Variants in RTCA observed in about 807,000 individuals in gnomAD.
The protein encoded by RTCA is RNA 3'-terminal phosphate cyclase, also known as RNA terminal phosphate cyclase domain 1.
In RTCA, 37 loss-of-function variants were observed where a neutral mutation model predicts 46.1. That is an observed-to-expected ratio of 0.80 (90% CI 0.62 to 1.06). RTCA has a LOEUF of 1.06. Among genes scored for constraint, RTCA ranks in the 50% least tolerant of loss-of-function variants. RTCA has a pLI of 0.00. For synonymous variants in RTCA, 164 were observed against 158.3 expected, an observed-to-expected ratio of 1.04 and a Z score of -0.27; for missense variants, 435 against 455.5, an observed-to-expected ratio of 0.95 and a Z score of 0.41.
chr1:100,280,020 A>G (rs1473641125), intron 8 of RTCA, among the ~76,000 whole-genome samples: 1 of 152,242 alleles, frequency 6.6e-6, no homozygotes, highest in Non-Finnish European at 1.5e-5. Context: ...GCAGGAAGAT[A>G]AGAGTTCATT....
At chr1:100,281,433 G>A (rs1433173586) in intron 8 of RTCA, 1 of 412,590 alleles carries the variant, frequency 2.4e-6, no homozygotes, top group South Asian at 1.8e-5. Flanking sequence ...ATTGGACCGT[G>A]ATTGTGATCT....
chr1:100,286,266 C>G (rs571571911), intron 9 of RTCA, among the ~76,000 whole-genome samples: 2 of 151,938 alleles, frequency 1.3e-5, no homozygotes, highest in African/African-American at 2.4e-5. Context: ...TCCTGGCTAA[C>G]ACGGTGAAAC....
chr1:100,286,002 C>T (rs76540281), intron 9 of RTCA, among the ~76,000 whole-genome samples: 6,500 of 152,288 alleles, frequency 0.043, 194 homozygotes, highest in Middle Eastern at 0.071. Flanking sequence ...TAGTTGCTCC[C>T]TCTCTTAGTT....
At position 100,291,435 on chromosome 1, in the gene RTCA, A is replaced by T. The variant is rs112432054; in HGVS notation, c.1032A>T (p.Glu344Asp). Reference protein sequence around the residue: ...AKFIVKKSEDEEDAAKDTYII... With the variant: ...AKFIVKKSEDDEDAAKDTYII... ...TTATTGTGAAGAAATCAGAAGATGAAGAAGACGCCGCTAAAGATACTTATA... is the reference window on the plus strand; with the variant it reads ...TTATTGTGAAGAAATCAGAAGATGATGAAGACGCCGCTAAAGATACTTATA... Residue 344 changes from glutamate (E) to aspartate (D), a missense_variant, in exon 11 of 11, where the codon GAA becomes GAT. Transcript: ENST00000370128. 484 of 1,612,326 alleles carry T rather than the reference A, an allele frequency of 3.0e-4. 4 individuals carry two copies. The African/African-American group carries it at 5.7e-3, about 19-fold the overall frequency.
intron 2 of RTCA, chr1:100,267,676 C>A: frequency 3.6e-6 from 3 of 842,204 alleles, no homozygotes; most frequent in Non-Finnish European, 3.4e-6. Flanking sequence ...ATAAGGACAC[C>A]AGTAAGATTG....
At position 100,285,439 on chromosome 1, in the gene RTCA, A is replaced by G; in HGVS notation, c.894+117A>G. 4 of 647,888 alleles carry G rather than the reference A, an allele frequency of 6.2e-6. No homozygotes were observed. The South Asian group carries it at 8.0e-5, about 13-fold the overall frequency. The allele number at this position is 647,888 out of a possible 1,614,324, so 40.1% of individuals were successfully genotyped here. On this transcript the variant is annotated intron_variant, in intron 9 of 10. Transcript: ENST00000370128. ...ACTAATTAGCAAGTCCTACTTCAAT[A>G]ATTTAAAAAAATATTCTGGGATTTG...
rs1157550447 is a variant in RTCA at position 100,275,609 on chromosome 1, A to G, written c.626A>G (p.Asp209Gly). The change falls in exon 7 of 11, where the codon GAT becomes GGT. Residue 209 changes from aspartate to glycine, a missense_variant. Asp to Gly is a moderately conservative substitution (Grantham distance 94). Coordinates refer to ENST00000370128, the MANE Select transcript of RTCA (RefSeq NM_003729.4). ...GTCTTGCTAAAATAGGTAGCAAAAGATATGGCAGCGGCAGCAGTTAGATGC... is the reference window on the plus strand; with the variant it reads ...GTCTTGCTAAAATAGGTAGCAAAAGGTATGGCAGCGGCAGCAGTTAGATGC... The part of the protein sequence containing the change: ...AGVLPFKVAK[D>G]MAAAAVRCIR... 6.2e-7 allele frequency: 1 copy of G among 1,605,574 alleles called. No homozygotes were observed. Among genetic ancestry groups the G allele is most frequent in the Non-Finnish European group, 8.5e-7 (1 of 1,176,644 alleles).
chr1:100,275,942 T>C (rs1398901109), intron 7 of RTCA, among the ~76,000 whole-genome samples: 1 of 151,932 alleles, frequency 6.6e-6, no homozygotes, highest in African/African-American at 2.4e-5. Context: ...TTCATGCCAT[T>C]CTTCTGCCTG....
At chr1:100,268,089 A>G (rs1045090075) in intron 2 of RTCA, 63 bp from the exon 3 acceptor site, 14 of 1,575,834 alleles carry the variant, frequency 8.9e-6, no homozygotes, top group South Asian at 1.2e-5. Flanking sequence ...TAAATTTGTC[A>G]TAAAATGTGG....
In RTCA at chr1:100,273,520, C is replaced by T. The variant is rs1329874423; in HGVS notation, c.473+68C>T. The T allele has an allele frequency of 3.2e-6, 3 of 929,006 alleles. No individual in the cohort carries two copies. In the African/African-American group the frequency reaches 5.1e-5, roughly 16 times the overall value. 57.5% of individuals were successfully genotyped at this position (929,006 alleles called of 1,614,324 possible). On this transcript the variant is annotated intron_variant, in intron 5 of 10. Coordinates refer to ENST00000370128, the MANE Select transcript of RTCA (RefSeq NM_003729.4). ...CTAGAAGTAGTGGAAAAGTTAGACCCTTAGAGAACTGTCTTTCTGGTACCC... is the reference window on the plus strand; with the variant it reads ...CTAGAAGTAGTGGAAAAGTTAGACCTTTAGAGAACTGTCTTTCTGGTACCC...
At chr1:100,269,151 T>C (rs1440769589) in intron 3 of RTCA, among the ~76,000 whole-genome samples, 2 of 151,796 alleles carry the variant, frequency 1.3e-5, no homozygotes, top group East Asian at 1.9e-4. Context: ...TGAACTGAGA[T>C]TGTGCCGCTG....
chr1:100,283,935 G>GAAAAAAAAAAAAAAAA (rs763030720), intron 8 of RTCA, among the ~76,000 whole-genome samples: 3 of 55,098 alleles, frequency 5.4e-5, no homozygotes, highest in Admixed American at 3.3e-4. Flanking sequence ...AAAAAAAAAA[G>GAAAAAAAAAAAAAAAA]AAAAAAAAAA....
In RTCA at chr1:100,275,980, C is replaced by T. The variant is rs181215764; in HGVS notation, c.740+257C>T. Among the ~76,000 whole-genome samples the T allele has an allele frequency of 2.7e-3, 417 of 151,900 alleles. No homozygotes were observed. Among genetic ancestry groups the T allele is most frequent in the African/African-American group, 9.4e-3 (389 of 41,452 alleles). On this transcript the variant is annotated intron_variant, in intron 7 of 10. Transcript: ENST00000370128. ...CCTCCTGAGTAGCTGGGACTACAGG[C>T]GCCCACCACCACGCCCAGCTAATTT...
At chr1:100,281,097 A>C (rs1442534980) in intron 8 of RTCA, 6 of 468,014 alleles carry the variant, frequency 1.3e-5, no homozygotes, top group South Asian at 9.3e-5. Flanking sequence ...CAATACCACC[A>C]TAGGTGGTAG....
chr1:100,285,262 C>G lies in RTCA; in HGVS notation c.834C>G (p.Ala278=). 1 of 1,613,458 alleles carries G rather than the reference C, an allele frequency of 6.2e-7. No homozygotes were observed. The highest frequency in any genetic ancestry group is 8.5e-7 in the Non-Finnish European group (1 of 1,179,712). ...CAGACAAAGTTGGAATTGAAGCTGC[C>G]GAAATGCTATTAGCAAATCTTAGAC... ...VNADKVGIEA[A]EMLLANLRHG... Residue 278 remains alanine, a synonymous_variant, in exon 9 of 11, where the codon GCC becomes GCG. Transcript: ENST00000370128.
Position 100,267,334 on chromosome 1 carries a change from A to T in RTCA, c.146+710A>T, listed in dbSNP as rs1039232924. The stretch of plus-strand genomic sequence containing the variant: ...TGAAATTACCAAAAGGCAATTACTG[A>T]TATGTTAATGTTAATTGCCTTTGTC... On this transcript the variant is annotated intron_variant, in intron 2 of 10. Coordinates refer to ENST00000370128, the MANE Select transcript of RTCA (RefSeq NM_003729.4). 9.7e-6 allele frequency: 6 copies of T among 616,556 alleles called. No individual in the cohort carries two copies. The Admixed American group carries it at 2.2e-4, about 22-fold the overall frequency. The allele number at this position is 616,556 out of a possible 1,614,324, so 38.2% of individuals were successfully genotyped here.
chr1:100,285,231 TA>T lies in RTCA; in HGVS notation c.806del (p.Asn269MetfsTer14). On this transcript the variant is annotated frameshift_variant, in exon 9 of 11. Transcript: ENST00000370128. LOFTEE classifies it high-confidence loss of function. The stretch of plus-strand genomic sequence containing the variant: ...TTAATGTTGTGCTTATCTTAAGGTG[TA>T]AATGCAGACAAAGTTGGAATTGAAG... ...FAGSSLGKRGVNADKVGIEAA... is the reference protein window; with the variant it reads ...FAGSSLGKRGXNADKVGIEAA... The T allele has an allele frequency of 6.2e-7, 1 of 1,611,964 alleles. No individual in the cohort carries two copies. The highest frequency in any genetic ancestry group is 8.5e-7 in the Non-Finnish European group (1 of 1,178,276).
At position 100,273,185 on chromosome 1, in the gene RTCA, G is replaced by A. The variant is rs530188036; in HGVS notation, c.415-209G>A. On this transcript the variant is annotated intron_variant, in intron 4 of 10. Transcript: ENST00000370128. ...TTTTTTCGTTAGATAGACTTGCACA[G>A]CTCTGATTAAATAAATGTCAAACTT... Among the ~76,000 whole-genome samples, 3 of 152,194 alleles carry A rather than the reference G, an allele frequency of 2.0e-5. No individual in the cohort carries two copies. The East Asian group carries it at 5.8e-4, about 29-fold the overall frequency.
At chr1:100,285,761 A>G (rs932827611) in intron 9 of RTCA, among the ~76,000 whole-genome samples, 4 of 152,166 alleles carry the variant, frequency 2.6e-5, no homozygotes, top group Admixed American at 2.0e-4. Context: ...CTAGGCCTAC[A>G]GGCACATGCT....
Sources: gnomAD v4.1 joint callset for allele counts (sites outside exome capture counted in the v4.1 genomes callset) on GRCh38, gnomAD v4.1.1 for gene constraint, MANE v1.5 for transcripts, NCBI Gene and HGNC (gene_info 2026-07-23, HGNC 2026-07-21) for gene names.